ASIC2: variants seen among roughly 807,000 people sequenced by gnomAD.
ASIC2 encodes the protein acid sensing ion channel subunit 2.
In ASIC2, 25 loss-of-function variants were observed where a neutral mutation model predicts 57.3. The observed-to-expected ratio is 0.44, with a 90% CI of 0.32 to 0.61. The LOEUF (loss-of-function observed/expected upper bound fraction) is 0.61, where lower values mean the gene tolerates loss of function less well. ASIC2 is among the 20% of genes least tolerant of loss of function. ASIC2 has a pLI of 0.06. For missense variants in ASIC2, 641 were observed against 738.1 expected (o/e 0.87, Z 1.52); for synonymous variants, 319 against 307.5 (o/e 1.04, Z -0.39).
chr17:33,373,832 C>T (rs1401739614), intron 1 of ASIC2, among the ~76,000 whole-genome samples: 1 of 152,046 alleles, frequency 6.6e-6, no homozygotes, highest in African/African-American at 2.4e-5. Context: ...AGGCCCACCA[C>T]CATGCTGGCT....
intron 1 of ASIC2, among the ~76,000 whole-genome samples, chr17:33,852,678 A>G (rs1236942139): frequency 6.6e-6 from 1 of 152,140 alleles, no homozygotes; most frequent in Admixed American, 6.5e-5. Flanking sequence ...CTTTCCCTAC[A>G]CCTTGCTACC....
intron 1 of ASIC2, among the ~76,000 whole-genome samples, chr17:33,885,293 C>A (rs1914802650): frequency 6.6e-6 from 1 of 152,094 alleles, no homozygotes. Flanking sequence ...AAAATAAGGA[C>A]AAAAATAGTA....
At chr17:33,091,302 A>G (rs1166014422) in intron 2 of ASIC2, among the ~76,000 whole-genome samples, 2 of 152,118 alleles carry the variant, frequency 1.3e-5, no homozygotes, top group African/African-American at 4.8e-5. Context: ...AGCCTGAAAA[A>G]CAGACTCAGA....
At chr17:33,540,804 G>A (rs1370546730) in intron 1 of ASIC2, among the ~76,000 whole-genome samples, 1 of 152,178 alleles carries the variant, frequency 6.6e-6, no homozygotes, top group East Asian at 1.9e-4. Context: ...CTTAATAAGT[G>A]TTTATGAATC....
intron 1 of ASIC2, among the ~76,000 whole-genome samples, chr17:33,637,667 A>C (rs538269355): frequency 2.2e-4 from 34 of 152,346 alleles, no homozygotes; most frequent in Non-Finnish European, 2.8e-4. Flanking sequence ...TAAAAGAAAG[A>C]AAGCAAATAA....
chr17:33,942,823 A>C (rs1380279755), intron 1 of ASIC2, among the ~76,000 whole-genome samples: 2 of 152,158 alleles, frequency 1.3e-5, no homozygotes, highest in East Asian at 3.9e-4. Context: ...GTTTTAGAAA[A>C]TGTGCTCTGT....
intron 1 of ASIC2, among the ~76,000 whole-genome samples, chr17:33,363,100 A>G (rs1220698835): frequency 6.6e-6 from 1 of 152,170 alleles, no homozygotes; most frequent in African/African-American, 2.4e-5. Context: ...TAAAGGAAGA[A>G]ATGCCCAGAA....
chr17:33,408,183 T>C (rs1186647371), intron 1 of ASIC2, among the ~76,000 whole-genome samples: 2 of 152,188 alleles, frequency 1.3e-5, no homozygotes, highest in Non-Finnish European at 2.9e-5. Context: ...TTTGGCTGAA[T>C]TATCTGTAAA....
chr17:33,718,419 A>T (rs191869738), intron 1 of ASIC2, among the ~76,000 whole-genome samples: 45 of 151,414 alleles, frequency 3.0e-4, no homozygotes, highest in African/African-American at 9.5e-4. Context: ...GCCAGAGAGA[A>T]CTCAAGAGAG....
intron 1 of ASIC2, among the ~76,000 whole-genome samples, chr17:33,146,867 A>G (rs1567762586): frequency 6.6e-6 from 1 of 152,200 alleles, no homozygotes; most frequent in Non-Finnish European, 1.5e-5. Flanking sequence ...GGGAGCTCTT[A>G]TTACTTCAGT....
intron 1 of ASIC2, among the ~76,000 whole-genome samples, chr17:33,773,931 T>C (rs953099287): frequency 6.6e-6 from 1 of 152,240 alleles, no homozygotes; most frequent in South Asian, 2.1e-4. Flanking sequence ...CCTCCCAAAG[T>C]GTTGGGATGT....
rs78522551 is a variant in ASIC2, at chr17:33,343,678, A to G, written c.556-231611T>C. ...ATGAGAGACTTTCAGCCTCAGCCTT[A>G]TTTTCTTCCCTCTGCATTTTCCAGT... On this transcript the variant is annotated intron_variant, in intron 1 of 9. Coordinates refer to the ASIC2 transcript ENST00000359872. Among the ~76,000 whole-genome samples the G allele has an allele frequency of 7.1e-4, 107 of 151,692 alleles. No individual in the cohort carries two copies. The East Asian group carries it at 0.019, about 27-fold the overall frequency.
At chr17:33,865,737 T>A (rs557778468) in intron 1 of ASIC2, among the ~76,000 whole-genome samples, 4 of 141,836 alleles carry the variant, frequency 2.8e-5, no homozygotes, top group Non-Finnish European at 6.1e-5. Context: ...ACCCTAAAAC[T>A]TAGAGTATAA....
At chr17:33,260,675 C>G (rs565821354) in intron 1 of ASIC2, among the ~76,000 whole-genome samples, 2 of 152,280 alleles carry the variant, frequency 1.3e-5, no homozygotes, top group African/African-American at 4.8e-5. Flanking sequence ...CCGGCTGAAC[C>G]CTGCAGGCCA....
intron 1 of ASIC2, among the ~76,000 whole-genome samples, chr17:33,964,112 A>G (rs1434527910): frequency 2.6e-5 from 4 of 152,194 alleles, no homozygotes; most frequent in African/African-American, 7.2e-5. Flanking sequence ...TCTTTGTGCT[A>G]TGCCCAGGTG....
intron 3 of ASIC2, among the ~76,000 whole-genome samples, chr17:33,083,624 T>C (rs2092122553): frequency 6.6e-6 from 1 of 151,914 alleles, no homozygotes; most frequent in Non-Finnish European, 1.5e-5. Flanking sequence ...CTTTGCCAGG[T>C]AGATGAAACA....
At chr17:33,247,307 T>C (rs1028771041) in intron 1 of ASIC2, among the ~76,000 whole-genome samples, 2 of 152,284 alleles carry the variant, frequency 1.3e-5, no homozygotes, top group Non-Finnish European at 1.5e-5. Context: ...AAAAATTATA[T>C]ATTTCGTGAA....
At chr17:33,758,134 T>C (rs1910670159) in intron 1 of ASIC2, among the ~76,000 whole-genome samples, 1 of 152,188 alleles carries the variant, frequency 6.6e-6, no homozygotes, top group Admixed American at 6.5e-5. Context: ...CTGAAGATCA[T>C]GTAGCAATAA....
rs1455738983 is a variant in ASIC2, at chr17:33,447,115, T to G, written c.556-335048A>C. Among the ~76,000 whole-genome samples the G allele has an allele frequency of 2.0e-5, 3 of 152,328 alleles. No individual in the cohort carries two copies. The East Asian group carries it at 5.8e-4, about 29-fold the overall frequency. On this transcript the variant is annotated intron_variant, in intron 1 of 9. Transcript: ENST00000359872. ...CCACAGAATGAGCTGTGATCCCTGT[T>G]TATTTTCTGCCTGCCTTCGTGAGTT...
Sources: allele counts gnomAD v4.1 joint callset (sites outside exome capture counted in the v4.1 genomes callset), GRCh38; gene constraint gnomAD v4.1.1; transcripts MANE v1.5; gene names NCBI Gene and HGNC (gene_info 2026-07-23, HGNC 2026-07-21).